Variants in WHAMM observed in about 807,000 individuals in gnomAD.
The protein encoded by WHAMM is WASP homolog-associated protein with actin, membranes and microtubules.
Under a neutral mutation model 76.5 loss-of-function variants are expected in WHAMM, and 67 were observed. The ratio of observed to expected loss-of-function variants is 0.88; its 90% CI spans 0.72 to 1.07. The LOEUF (loss-of-function observed/expected upper bound fraction) is 1.07. WHAMM is among the 50% of genes least tolerant of loss of function. The pLI, the probability that WHAMM is intolerant of heterozygous loss-of-function variation, is 0.00. For synonymous variants in WHAMM, 419 were observed against 422.1 expected (o/e 0.99, Z 0.09); for missense variants, 1,021 against 1,051.1 (o/e 0.97, Z 0.40).
chr15:82,809,779 G>T lies in WHAMM; in HGVS notation c.53G>T (p.Gly18Val), dbSNP rs2050592225. The T allele has an allele frequency of 1.3e-6, 2 of 1,597,282 alleles. No individual in the cohort carries two copies. The highest frequency in any genetic ancestry group is 1.7e-6 in the Non-Finnish European group (2 of 1,172,924). The stretch of plus-strand genomic sequence containing the variant: ...GAGGGCTGGGTGCCGGTCCGGGAGG[G>T]CCTCTTCGCCGAGCCCGAGAGGCAC... ...SLEGWVPVRE[G>V]LFAEPERHRL... The change falls in exon 1 of 10, where the codon GGC becomes GTC. Residue 18 changes from glycine (G) to valine (V), a missense_variant. By Grantham distance (109) the Gly-to-Val change is moderately radical. Coordinates refer to ENST00000286760, the MANE Select transcript of WHAMM (RefSeq NM_001080435.3).
chr15:82,833,452 G>A lies in WHAMM; in HGVS notation c.2346G>A (p.Lys782=), dbSNP rs771360553. Residue 782 remains lysine, a synonymous_variant, in exon 10 of 10, where the codon AAG becomes AAA. Coordinates refer to ENST00000286760, the MANE Select transcript of WHAMM (RefSeq NM_001080435.3). ...CCAGTGACCTTGAGAGGAGCATCAAGGCTGCGCTCCAGAGAATCAAGAGGG... is the reference window on the plus strand; with the variant it reads ...CCAGTGACCTTGAGAGGAGCATCAAAGCTGCGCTCCAGAGAATCAAGAGGG... ...RRTSDLERSI[K]AALQRIKRVS... 9.3e-6 allele frequency: 15 copies of A among 1,613,930 alleles called. No homozygotes were observed. The highest frequency in any genetic ancestry group is 5.5e-5 in the South Asian group (5 of 91,094).
intron 2 of WHAMM, among the ~76,000 whole-genome samples, chr15:82,813,813 C>A (rs534650715): frequency 6.6e-6 from 1 of 151,592 alleles, no homozygotes; most frequent in South Asian, 2.1e-4. Flanking sequence ...TGTACCACCA[C>A]GCCCAGCTAA....
At chr15:82,811,850 T>C (rs1292968885) in intron 1 of WHAMM, among the ~76,000 whole-genome samples, 5 of 151,826 alleles carry the variant, frequency 3.3e-5, no homozygotes, top group Non-Finnish European at 7.4e-5. Context: ...AGGCTTTCAC[T>C]TAAAAAAAAA....
chr15:82,832,362 A>G (rs954385617), intron 9 of WHAMM, among the ~76,000 whole-genome samples: 5 of 152,204 alleles, frequency 3.3e-5, no homozygotes, highest in South Asian at 2.1e-4. Flanking sequence ...CGGCCTTTCA[A>G]TCCTGAACTA....
chr15:82,830,901 ACCGCCG>A lies in WHAMM; in HGVS notation c.1947_1952del (p.Pro657_Pro658del). 7.6e-7 allele frequency: 1 copy of A among 1,323,002 alleles called. No homozygotes were observed. The highest frequency in any genetic ancestry group is 1.2e-5 in the South Asian group (1 of 83,946). 82.0% of individuals were successfully genotyped at this position (1,323,002 alleles called of 1,614,324 possible). ...CACCTCCTCCTCCTCCACCACCACCACCGCCGCCACCGCCGCCCCCACCCCCTCCTC... is the reference window on the plus strand; with the variant it reads ...CACCTCCTCCTCCTCCACCACCACCACCACCGCCGCCCCCACCCCCTCCTC... On this transcript the variant is annotated inframe_deletion, in exon 9 of 10. Transcript: ENST00000286760.
At chr15:82,826,934 G>A in intron 8 of WHAMM, 88 bp downstream of exon 8, 2 of 1,342,022 alleles carry the variant, frequency 1.5e-6, no homozygotes, top group Non-Finnish European at 2.0e-6. Context: ...GAAGTATTAA[G>A]AACAGGTCAT....
chr15:82,833,700 T>C lies in WHAMM; in HGVS notation c.*164T>C. 1 of 759,874 alleles carries C rather than the reference T, an allele frequency of 1.3e-6. No homozygotes were observed. The highest frequency in any genetic ancestry group is 2.8e-5 in the East Asian group (1 of 35,996). 47.1% of individuals were successfully genotyped at this position (759,874 alleles called of 1,614,324 possible). A position where few individuals can be genotyped will look rare whatever the true frequency, so the allele number is the denominator to read the frequency against. On this transcript the variant is annotated 3_prime_UTR_variant, in exon 10 of 10. Transcript: ENST00000286760. ...GCTGCTGCAGCATTTTTTTTTTTTT[T>C]CTTTTTTGAGATGGAGTCTCACTCT... is the stretch of plus-strand genomic sequence containing the variant.
rs779136693 is a variant in WHAMM, at chr15:82,826,409, G to A, written c.1459-1G>A. The stretch of plus-strand genomic sequence containing the variant: ...GTAGGTGATTTGTATTATTCCACCA[G>A]GATCAGTGCAAAGAAAATCATCGGT... On this transcript the variant is annotated splice_acceptor_variant, in intron 6 of 9. Coordinates refer to ENST00000286760, the MANE Select transcript of WHAMM (RefSeq NM_001080435.3). LOFTEE classifies it high-confidence loss of function. The A allele has an allele frequency of 6.2e-7, 1 of 1,613,894 alleles. No individual in the cohort carries two copies. Among genetic ancestry groups the A allele is most frequent in the South Asian group, 1.1e-5 (1 of 91,070 alleles).
At chr15:82,831,762 C>G (rs1245288646) in intron 9 of WHAMM, among the ~76,000 whole-genome samples, 2 of 152,182 alleles carry the variant, frequency 1.3e-5, no homozygotes, top group Admixed American at 1.3e-4. Context: ...CTAAATCTGC[C>G]TAGACTTGGA....
rs2051077681 is a variant in WHAMM, at chr15:82,833,670, T to C, written c.*134T>C. 6 of 951,744 alleles carry C rather than the reference T, an allele frequency of 6.3e-6. No homozygotes were observed. Among genetic ancestry groups the C allele is most frequent in the Non-Finnish European group, 9.1e-6 (6 of 660,254 alleles). The allele number at this position is 951,744 out of a possible 1,614,324, so 59.0% of individuals were successfully genotyped here. ...ACCCCGGAAGATCAGCAGGGCCTTG[T>C]GTAGGCTGCTGCAGCATTTTTTTTT... On this transcript the variant is annotated 3_prime_UTR_variant, in exon 10 of 10. Transcript: ENST00000286760.
At position 82,826,419 on chromosome 15, in the gene WHAMM, A is replaced by G. The variant is rs375485788; in HGVS notation, c.1468A>G (p.Lys490Glu). 3 of 1,614,052 alleles carry G rather than the reference A, an allele frequency of 1.9e-6. No homozygotes were observed. Among genetic ancestry groups the G allele is most frequent in the African/African-American group, 2.7e-5 (2 of 75,054 alleles). The part of the protein sequence containing the change: ...ASLRSRKDQC[K>E]ENHRFRLQQA... ...TGTATTATTCCACCAGGATCAGTGC[A>G]AAGAAAATCATCGGTTCAGATTGCA... is the stretch of plus-strand genomic sequence containing the variant. The change falls in exon 7 of 10, where the codon AAA becomes GAA. Residue 490 changes from lysine (K) to glutamate (E), a missense_variant. Around this residue, in one of 3 missense-constraint regions of WHAMM, gnomAD observed 509 missense variants for 492.3 expected, o/e 1.03. Coordinates refer to ENST00000286760, the MANE Select transcript of WHAMM (RefSeq NM_001080435.3).
At chr15:82,819,718 G>T (rs1005896541) in intron 5 of WHAMM, among the ~76,000 whole-genome samples, 7 of 152,220 alleles carry the variant, frequency 4.6e-5, no homozygotes, top group Non-Finnish European at 8.8e-5. Flanking sequence ...GGTTGGCTGG[G>T]CACAGTGGCT....
At position 82,816,676 on chromosome 15, in the gene WHAMM, T is replaced by G. The variant is rs766625882; in HGVS notation, c.784-16T>G. 1.0e-5 allele frequency: 16 copies of G among 1,530,834 alleles called. No individual in the cohort carries two copies. The East Asian group carries it at 3.6e-4, about 35-fold the overall frequency. The allele number at this position is 1,530,834 out of a possible 1,614,324, so 94.8% of individuals were successfully genotyped here. A position where few individuals can be genotyped will look rare whatever the true frequency, so the allele number is the denominator to read the frequency against. The stretch of plus-strand genomic sequence containing the variant: ...CTATTAGCTCTTACTAAGAAAATTT[T>G]CCCTTCTGTCTGTAGAAGTCTTTGG... On this transcript the variant is annotated splice_polypyrimidine_tract_variant and intron_variant, in intron 2 of 9. Transcript: ENST00000286760.
Position 82,813,162 on chromosome 15 carries a change from G to A in WHAMM, c.669G>A (p.Glu223=), listed in dbSNP as rs770213753. 7 of 1,612,214 alleles carry A rather than the reference G, an allele frequency of 4.3e-6. No homozygotes were observed. The highest frequency in any genetic ancestry group is 1.1e-5 in the South Asian group (1 of 90,694). Residue 223 remains glutamate (E), a synonymous_variant, in exon 2 of 10, where the codon GAG becomes GAA. Coordinates refer to ENST00000286760, the MANE Select transcript of WHAMM (RefSeq NM_001080435.3). ...TMVALMNVYQ[E]EDEAYQELVT... ...TAGCATTAATGAACGTTTACCAAGA[G>A]GAAGATGAAGCATACCAGGAATTGG...
chr15:82,826,080 T>C (rs1956652949), intron 6 of WHAMM, among the ~76,000 whole-genome samples: 1 of 152,220 alleles, frequency 6.6e-6, no homozygotes, highest in Non-Finnish European at 1.5e-5. Flanking sequence ...GTATTAATAA[T>C]GTTATGGGGA....
intron 8 of WHAMM, among the ~76,000 whole-genome samples, chr15:82,827,947 CA>C (rs368760254): frequency 2.8e-4 from 40 of 142,596 alleles, no homozygotes; most frequent in Middle Eastern, 3.6e-3. Context: ...TCTTCTGTCT[CA>C]AAAAAAAAAA....
chr15:82,830,466 C>A, intron 8 of WHAMM, 133 bp from the exon 9 acceptor site: 1 of 1,374,312 alleles, frequency 7.3e-7, no homozygotes, highest in Non-Finnish European at 9.8e-7. Context: ...GATGGCTGTA[C>A]AAACAAGGAG....
intron 3 of WHAMM, among the ~76,000 whole-genome samples, chr15:82,817,237 A>G (rs2050741409): frequency 6.6e-6 from 1 of 152,234 alleles, no homozygotes. Context: ...TAGCACTGCC[A>G]AAAGTCCCCT....
In WHAMM at chr15:82,833,649, C is replaced by A; in HGVS notation, c.*113C>A. The A allele has an allele frequency of 1.7e-6, 2 of 1,176,976 alleles. No homozygotes were observed. Among genetic ancestry groups the A allele is most frequent in the East Asian group, 2.6e-5 (1 of 39,006 alleles). 72.9% of individuals were successfully genotyped at this position (1,176,976 alleles called of 1,614,324 possible). On this transcript the variant is annotated 3_prime_UTR_variant, in exon 10 of 10. Coordinates refer to ENST00000286760, the MANE Select transcript of WHAMM (RefSeq NM_001080435.3). ...CTGATAGATGGGCCACATAACACCCCGGAAGATCAGCAGGGCCTTGTGTAG... is the reference window on the plus strand; with the variant it reads ...CTGATAGATGGGCCACATAACACCCAGGAAGATCAGCAGGGCCTTGTGTAG...
Sources: gnomAD v4.1 joint callset for allele counts (sites outside exome capture counted in the v4.1 genomes callset) on GRCh38, gnomAD v4.1.1 for gene constraint, gnomAD v4.1.1 regional missense constraint, MANE v1.5 for transcripts, NCBI Gene and HGNC (gene_info 2026-07-23, HGNC 2026-07-21) for gene names.